BECN1: variants seen among roughly 807,000 people sequenced by gnomAD.
BECN1 encodes beclin-1.
In BECN1, 15 loss-of-function variants were observed where a neutral mutation model predicts 60.1. The ratio of observed to expected loss-of-function variants is 0.25; its 90% CI spans 0.17 to 0.38. BECN1 has a LOEUF of 0.38. Ranked by LOEUF, BECN1 falls within the 10% of genes least tolerant of loss-of-function variation. BECN1 has a pLI of 1.00. For synonymous variants in BECN1, 179 were observed against 201.8 expected (o/e 0.89, Z 0.96); for missense variants, 424 against 548.2 (o/e 0.77, Z 2.26).
chr17:42,821,715 T>C (rs114776875), intron 2 of BECN1, among the ~76,000 whole-genome samples: 1,905 of 152,312 alleles, frequency 0.013, 39 homozygotes, highest in African/African-American at 0.043. Flanking sequence ...TTTCAAGTCA[T>C]GACAATTTAC....
At chr17:42,824,029 C>G in intron 1 of BECN1, 126 bp downstream of exon 1, 1 of 1,034,762 alleles carries the variant, frequency 9.7e-7, no homozygotes. Context: ...CGGGGAGGAC[C>G]TGCTTCCGGG....
At chr17:42,816,116 C>T in intron 7 of BECN1, 62 bp from the exon 8 acceptor site, 1 of 1,479,352 alleles carries the variant, frequency 6.8e-7, no homozygotes, top group Non-Finnish European at 9.1e-7. Flanking sequence ...TTCTCTCTCA[C>T]CACACTATGA....
At chr17:42,811,532 G>T in intron 11 of BECN1, 123 bp downstream of exon 11, 2 of 1,290,532 alleles carry the variant, frequency 1.5e-6, no homozygotes, top group Middle Eastern at 1.9e-4. Context: ...TCAATGTCAT[G>T]TGATTCTGTG....
chr17:42,813,625 G>GA (rs904260516), intron 10 of BECN1: 625 of 180,574 alleles, frequency 3.5e-3, no homozygotes, highest in South Asian at 6.8e-3. Context: ...CCCAAAATCT[G>GA]AAAAAAAAAA....
rs752721484 is a variant in BECN1, at chr17:42,814,589, A to G, written c.915T>C (p.Ala305=). The G allele has an allele frequency of 6.2e-7, 1 of 1,614,222 alleles. No individual in the cohort carries two copies. Among genetic ancestry groups the G allele is most frequent in the Non-Finnish European group, 8.5e-7 (1 of 1,180,034 alleles). Residue 305 remains alanine (A), a synonymous_variant, in exon 9 of 12, where the codon GCT becomes GCC. Transcript: ENST00000590099. Reference sequence around the variant, plus strand: ...GCAGCAACACAGTCTGGCCCCAAGCAGCATTAATCTCATTCCATTCCACGG... The same window carrying G: ...GCAGCAACACAGTCTGGCCCCAAGCGGCATTAATCTCATTCCATTCCACGG... ...SVPVEWNEIN[A]AWGQTVLLLH...
chr17:42,814,732 T>C (rs1228188277), intron 8 of BECN1, 59 bp from the exon 9 acceptor site: 4 of 1,598,440 alleles, frequency 2.5e-6, no homozygotes, highest in African/African-American at 2.7e-5. Flanking sequence ...AAGTTTGACA[T>C]TTCCCACTCT....
Position 42,814,028 on chromosome 17 carries a change from A to G in BECN1, c.981-20T>C. 6.5e-7 allele frequency: 1 copy of G among 1,547,674 alleles called. No individual in the cohort carries two copies. Among genetic ancestry groups the G allele is most frequent in the Non-Finnish European group, 8.9e-7 (1 of 1,126,720 alleles). On this transcript the variant is annotated intron_variant, in intron 9 of 11. Coordinates refer to ENST00000590099, the MANE Select transcript of BECN1 (RefSeq NM_001313998.2). The stretch of plus-strand genomic sequence containing the variant: ...CGGTATCTAAAATAGAGATACAAAC[A>G]GAGATGGATACAGGACTCCTCCCAA...
intron 10 of BECN1, 127 bp downstream of exon 10, chr17:42,813,818 GAAC>G (rs1289696288): frequency 9.4e-6 from 6 of 640,786 alleles, no homozygotes; most frequent in Non-Finnish European, 1.6e-5. Context: ...ACAAGATATT[GAAC>G]AATATACTGG....
intron 7 of BECN1, among the ~76,000 whole-genome samples, chr17:42,817,954 C>T (rs1333272882): frequency 6.6e-6 from 1 of 152,174 alleles, no homozygotes; most frequent in Non-Finnish European, 1.5e-5. Flanking sequence ...GAGCCCATTC[C>T]CTACAGGACA....
At chr17:42,811,578 G>C in intron 11 of BECN1, 77 bp downstream of exon 11, 2 of 1,532,554 alleles carry the variant, frequency 1.3e-6, no homozygotes, top group Non-Finnish European at 1.8e-6. Context: ...ATACTGTTTT[G>C]CCTCCATTAT....
intron 4 of BECN1, 159 bp from the exon 5 acceptor site, chr17:42,819,036 C>T (rs2055206229): frequency 1.4e-6 from 1 of 713,144 alleles, no homozygotes; most frequent in African/African-American, 1.8e-5. Context: ...ACCTCTCTCC[C>T]AAAGGAAGGC....
intron 10 of BECN1, among the ~76,000 whole-genome samples, chr17:42,813,034 C>T (rs1212520697): frequency 2.5e-4 from 35 of 142,222 alleles, no homozygotes; most frequent in South Asian, 1.6e-3. Flanking sequence ...TTAGTAGAGA[C>T]GGGGTTTCAC....
At chr17:42,811,616 G>T in intron 11 of BECN1, 39 bp downstream of exon 11, 4 of 1,577,188 alleles carry the variant, frequency 2.5e-6, no homozygotes, top group Non-Finnish European at 2.6e-6. Flanking sequence ...TGTTCAATTT[G>T]GTCCTATACA....
intron 10 of BECN1, chr17:42,812,860 A>T (rs1479438666): frequency 9.7e-6 from 1 of 103,434 alleles, no homozygotes; most frequent in African/African-American, 3.9e-5. Context: ...TTTGAGACAG[A>T]GGCTTGCTTT....
At chr17:42,824,031 G>C in intron 1 of BECN1, 124 bp downstream of exon 1, 1 of 1,010,076 alleles carries the variant, frequency 9.9e-7, no homozygotes, top group Non-Finnish European at 1.4e-6. Flanking sequence ...GGGAGGACCT[G>C]CTTCCGGGAC....
chr17:42,819,335 G>T, intron 4 of BECN1: 1 of 530,802 alleles, frequency 1.9e-6, no homozygotes, highest in Non-Finnish European at 3.3e-6. Flanking sequence ...CATCATTAAA[G>T]CTACTATCCT....
Position 42,815,965 on chromosome 17 carries a change from T to G in BECN1, c.773A>C (p.Gln258Pro), listed in dbSNP as rs1344038417. The change falls in exon 8 of 12, where the codon CAG (glutamine) becomes CCG (proline). Residue 258 changes from glutamine (Q) to proline (P), a missense_variant. Gln to Pro is a moderately conservative substitution (Grantham distance 76, BLOSUM62 -1). Transcript: ENST00000590099. ...TTTCTTCAGCTTATCCAGCTGCGTC[T>G]GGGCATAACGCATCTGGTTTTCAAC... Reference protein sequence around the residue: ...KSVENQMRYAQTQLDKLKKTN... With the variant: ...KSVENQMRYAPTQLDKLKKTN... 6.2e-7 allele frequency: 1 copy of G among 1,614,168 alleles called. No individual in the cohort carries two copies. The highest frequency in any genetic ancestry group is 2.2e-5 in the East Asian group (1 of 44,890).
intron 1 of BECN1, 92 bp downstream of exon 1, chr17:42,824,063 G>T (rs949156882): frequency 2.8e-6 from 2 of 708,396 alleles, no homozygotes; most frequent in Non-Finnish European, 4.5e-6. Flanking sequence ...AGGCAGTTTA[G>T]AGCCCAGGGT....
At chr17:42,815,813 A>C in intron 8 of BECN1, 95 bp downstream of exon 8, 1 of 1,496,626 alleles carries the variant, frequency 6.7e-7, no homozygotes. Flanking sequence ...GATAACCTAC[A>C]GTCCCTCTTT....
Sources: gnomAD v4.1 joint callset for allele counts (sites outside exome capture counted in the v4.1 genomes callset) on GRCh38, gnomAD v4.1.1 for gene constraint, MANE v1.5 for transcripts, NCBI Gene and HGNC (gene_info 2026-07-23, HGNC 2026-07-21) for gene names.